BICD1: variants seen among roughly 807,000 people sequenced by gnomAD.
BICD1 encodes the protein BICD cargo adaptor 1.
Under a neutral mutation model 92.5 loss-of-function variants are expected in BICD1, and 35 were observed. The ratio of observed to expected loss-of-function variants is 0.38; its 90% CI spans 0.29 to 0.50. The LOEUF (loss-of-function observed/expected upper bound fraction) is 0.50. Among genes scored for constraint, BICD1 ranks in the 20% least tolerant of loss-of-function variants. The pLI, the probability that BICD1 is intolerant of heterozygous loss-of-function variation, is 0.93. For synonymous variants in BICD1, 429 were observed against 465.1 expected, an observed-to-expected ratio of 0.92 and a Z score of 1.00; for missense variants, 950 against 1,189.8, an observed-to-expected ratio of 0.80 and a Z score of 2.97.
chr12:32,294,707 C>G (rs1361111780), intron 3 of BICD1, among the ~76,000 whole-genome samples: 1 of 151,440 alleles, frequency 6.6e-6, no homozygotes, highest in Non-Finnish European at 1.5e-5. Context: ...GTCTCTCACT[C>G]CCTTAAAATT....
chr12:32,255,968 A>G (rs1269223800), intron 2 of BICD1, among the ~76,000 whole-genome samples: 2 of 152,198 alleles, frequency 1.3e-5, no homozygotes, highest in African/African-American at 4.8e-5. Flanking sequence ...AATTATTATT[A>G]ATTTATCAAT....
chr12:32,363,076 A>G (rs1939394233), intron 8 of BICD1, among the ~76,000 whole-genome samples: 1 of 152,160 alleles, frequency 6.6e-6, no homozygotes, highest in Admixed American at 6.6e-5. Context: ...GAAAGATTAC[A>G]TCATGTTGAT....
intron 8 of BICD1, among the ~76,000 whole-genome samples, chr12:32,347,416 G>A (rs903547185): frequency 1.3e-5 from 2 of 151,458 alleles, no homozygotes; most frequent in African/African-American, 4.8e-5. Flanking sequence ...GAGGCGGGCA[G>A]ATCACAAGGT....
rs74237190 is a variant in BICD1 at position 32,340,651 on chromosome 12, A to G, written c.2764+1672A>G. The G allele has an allele frequency of 8.3e-4, 363 of 435,224 alleles. 10 individuals are homozygous for G. The East Asian group carries it at 0.05, about 60-fold the overall frequency. The allele number at this position is 435,224 out of a possible 1,614,324, so 27.0% of individuals were successfully genotyped here. On this transcript the variant is annotated intron_variant, in intron 8 of 9. Coordinates refer to ENST00000652176, the MANE Select transcript of BICD1 (RefSeq NM_001714.4). Reference sequence around the variant, plus strand: ...GTATGACTGGTTTTTGTTTACATGAATATATACTTTATATTGTTATCATTA... The same window carrying G: ...GTATGACTGGTTTTTGTTTACATGAGTATATACTTTATATTGTTATCATTA...
chr12:32,127,406 G>A (rs2683471), intron 1 of BICD1, among the ~76,000 whole-genome samples: 43,969 of 151,976 alleles, frequency 0.29, 6,590 homozygotes, highest in Admixed American at 0.43. Flanking sequence ...AGTGATCTCA[G>A]TACCACAGGT....
chr12:32,254,747 A>G (rs891894180), intron 2 of BICD1, among the ~76,000 whole-genome samples: 1 of 152,208 alleles, frequency 6.6e-6, no homozygotes, highest in Admixed American at 6.5e-5. Context: ...GACTACTATT[A>G]TCTAGTTTCC....
intron 1 of BICD1, among the ~76,000 whole-genome samples, chr12:32,155,516 A>C (rs957548650): frequency 6.6e-6 from 1 of 152,232 alleles, no homozygotes; most frequent in Non-Finnish European, 1.5e-5. Context: ...TGAAGTAAGA[A>C]CATCTCAAAG....
chr12:32,370,125 T>A (rs1939675346), intron 9 of BICD1, among the ~76,000 whole-genome samples: 1 of 152,078 alleles, frequency 6.6e-6, no homozygotes, highest in Non-Finnish European at 1.5e-5. Flanking sequence ...TCCCAGCACT[T>A]TGGGAGGCCA....
Position 32,293,010 on chromosome 12 carries a change from G to A in BICD1, c.427-984G>A, listed in dbSNP as rs1947763987. Reference sequence around the variant, plus strand: ...TTACACATAAGTCCTGGTAATACAAGCTTGTTGTTAAAAAAAAAATTGAAA... The same window carrying A: ...TTACACATAAGTCCTGGTAATACAAACTTGTTGTTAAAAAAAAAATTGAAA... On this transcript the variant is annotated intron_variant, in intron 2 of 9. Transcript: ENST00000652176. 2.6e-5 allele frequency among the ~76,000 whole-genome samples: 4 copies of A among 151,878 alleles called. No homozygotes were observed. In the South Asian group the frequency reaches 8.3e-4, roughly 31 times the overall value.
At chr12:32,367,161 A>G (rs1229814241) in intron 8 of BICD1, among the ~76,000 whole-genome samples, 1 of 152,186 alleles carries the variant, frequency 6.6e-6, no homozygotes, top group Non-Finnish European at 1.5e-5. Context: ...TTCCTTGTTT[A>G]ATTAAGATTC....
intron 1 of BICD1, chr12:32,108,133 C>T (rs2121110454): frequency 4.4e-6 from 1 of 225,800 alleles, no homozygotes; most frequent in Middle Eastern, 1.9e-3. Flanking sequence ...GATCCCACTG[C>T]CTTGATTTCA....
chr12:32,117,709 T>TACACAC (rs71064996), intron 1 of BICD1, among the ~76,000 whole-genome samples: 1,392 of 84,824 alleles, frequency 0.016, 14 homozygotes, highest in African/African-American at 0.044. Flanking sequence ...CACAAATATA[T>TACACAC]ATACACACAC....
intron 4 of BICD1, among the ~76,000 whole-genome samples, chr12:32,326,778 G>A (rs1213671269): frequency 6.6e-6 from 1 of 152,174 alleles, no homozygotes; most frequent in Non-Finnish European, 1.5e-5. Flanking sequence ...AGCTACTCAG[G>A]ACACTGAGGT....
chr12:32,312,194 T>C (rs983044821), intron 4 of BICD1, among the ~76,000 whole-genome samples: 24 of 118,776 alleles, frequency 2.0e-4, no homozygotes, highest in Admixed American at 2.0e-3. Flanking sequence ...GTTGGAACTA[T>C]GGAAAAAACA....
At chr12:32,184,758 T>G (rs1340506829) in intron 1 of BICD1, among the ~76,000 whole-genome samples, 1 of 152,240 alleles carries the variant, frequency 6.6e-6, no homozygotes, top group Non-Finnish European at 1.5e-5. Flanking sequence ...CTTTGCTTTC[T>G]TGATCTTCCT....
Position 32,276,364 on chromosome 12 carries a change from T to A in BICD1, c.427-17630T>A, listed in dbSNP as rs539041712. Among the ~76,000 whole-genome samples, 4 of 152,334 alleles carry A rather than the reference T, an allele frequency of 2.6e-5. No individual in the cohort carries two copies. The South Asian group carries it at 6.2e-4, about 24-fold the overall frequency. ...GAGAGAGGGGACTGAGAGACAGGAC[T>A]AGCTGGATTTCCTAGGCCGACTAAG... On this transcript the variant is annotated intron_variant, in intron 2 of 9. Coordinates refer to ENST00000652176, the MANE Select transcript of BICD1 (RefSeq NM_001714.4).
At chr12:32,225,248 A>T (rs1444574989) in intron 2 of BICD1, among the ~76,000 whole-genome samples, 1 of 152,214 alleles carries the variant, frequency 6.6e-6, no homozygotes, top group Non-Finnish European at 1.5e-5. Flanking sequence ...CTTCAGCATG[A>T]TGCCTTGGAG....
Position 32,243,358 on chromosome 12 carries a change from C to T in BICD1, c.426+26899C>T, listed in dbSNP as rs565611215. On this transcript the variant is annotated intron_variant, in intron 2 of 9. Transcript: ENST00000652176. ...CAAACTCCTGAGCTCAAGCGGTCTG[C>T]CTGCTTTGGCCTCCCAAAGTGCTAG... 8.6e-3 allele frequency among the ~76,000 whole-genome samples: 1,284 copies of T among 148,564 alleles called. 23 individuals carry two copies. The highest frequency in any genetic ancestry group is 0.03 in the African/African-American group (1,208 of 39,920).
chr12:32,330,778 C>T (rs780664412), intron 5 of BICD1, among the ~76,000 whole-genome samples: 1 of 152,042 alleles, frequency 6.6e-6, no homozygotes, highest in Non-Finnish European at 1.5e-5. Flanking sequence ...GACATGCTAT[C>T]CTGGGGCATT....
Sources: gnomAD v4.1 joint callset for allele counts (sites outside exome capture counted in the v4.1 genomes callset) on GRCh38, gnomAD v4.1.1 for gene constraint, MANE v1.5 for transcripts, NCBI Gene and HGNC (gene_info 2026-07-23, HGNC 2026-07-21) for gene names.